Variants in RPF2 observed in about 807,000 individuals in gnomAD.
RPF2 encodes the protein ribosome production factor 2 homolog.
A neutral mutation model predicts 38.9 loss-of-function variants in RPF2; 21 were observed. The ratio of observed to expected loss-of-function variants is 0.54; its 90% CI spans 0.38 to 0.78. The LOEUF is 0.78. Ranked by LOEUF, RPF2 falls within the 30% of genes least tolerant of loss-of-function variation. RPF2 has a pLI of 0.00. For synonymous variants in RPF2, 121 were observed against 126.2 expected (o/e 0.96, Z 0.28); for missense variants, 314 against 358.1 (o/e 0.88, Z 0.99).
rs763445713 is a variant in RPF2, at chr6:111,024,341, A to C, written c.741+14A>C. 1 of 1,582,890 alleles carries C rather than the reference A, an allele frequency of 6.3e-7. No individual in the cohort carries two copies. Among genetic ancestry groups the C allele is most frequent in the Non-Finnish European group, 8.5e-7 (1 of 1,170,444 alleles). The stretch of plus-strand genomic sequence containing the variant: ...AAAGCTCTCAAGGTATATAACTTAG[A>C]GCTTGGTACCACATTTATTTGTATT... On this transcript the variant is annotated intron_variant, in intron 9 of 9. Coordinates refer to ENST00000441448, the MANE Select transcript of RPF2 (RefSeq NM_032194.3).
chr6:110,986,047 A>G (rs931419721), intron 2 of RPF2, among the ~76,000 whole-genome samples: 2 of 152,138 alleles, frequency 1.3e-5, no homozygotes, highest in African/African-American at 4.8e-5. Context: ...AGTGGGAGAG[A>G]AAGAGAAGAT....
At chr6:110,994,732 TATACACAC>T (rs1186267656) in intron 4 of RPF2, among the ~76,000 whole-genome samples, 2 of 101,890 alleles carry the variant, frequency 2.0e-5, no homozygotes, top group Non-Finnish European at 3.9e-5. Flanking sequence ...GATGAGTATA[TATACACAC>T]ACACACACAC....
intron 6 of RPF2, among the ~76,000 whole-genome samples, chr6:111,001,916 G>A (rs1392975813): frequency 6.6e-6 from 1 of 152,188 alleles, no homozygotes; most frequent in Non-Finnish European, 1.5e-5. Context: ...GGCCCTGGCG[G>A]GAGGATTGCT....
At chr6:111,017,453 A>G (rs914343845) in intron 8 of RPF2, among the ~76,000 whole-genome samples, 6 of 149,028 alleles carry the variant, frequency 4.0e-5, no homozygotes, top group Non-Finnish European at 7.4e-5. Context: ...CTCACTTCTC[A>G]GACGGGGCGG....
chr6:110,990,047 T>A (rs539995003), intron 3 of RPF2, among the ~76,000 whole-genome samples: 3 of 152,160 alleles, frequency 2.0e-5, no homozygotes, highest in Admixed American at 6.5e-5. Flanking sequence ...CAAGCAATTC[T>A]CTTGCCTCAA....
rs906026256 is a variant in RPF2, at chr6:111,026,804, T to C, written c.*1222T>C. ...TCAGTCCTTGACAAGGAATCTCCTT[T>C]ATACAAGTGCCAGTAATGTTGTAAA... On this transcript the variant is annotated 3_prime_UTR_variant, in exon 10 of 10. Transcript: ENST00000441448. 15 of 152,254 alleles carry C rather than the reference T, an allele frequency of 9.9e-5. No homozygotes were observed. The highest frequency in any genetic ancestry group is 3.6e-4 in the African/African-American group (15 of 41,466). 9.4% of individuals were successfully genotyped at this position (152,254 alleles called of 1,614,324 possible). A position where few individuals can be genotyped will look rare whatever the true frequency, so the allele number is the denominator to read the frequency against.
chr6:110,999,199 C>G (rs1771770876), intron 5 of RPF2, among the ~76,000 whole-genome samples: 1 of 151,994 alleles, frequency 6.6e-6, no homozygotes, highest in Non-Finnish European at 1.5e-5. Flanking sequence ...TTACTTTATA[C>G]TTGCATTGAG....
chr6:111,025,548 A>G lies in RPF2; in HGVS notation c.887A>G (p.His296Arg). Residue 296 changes from histidine (H) to arginine (R), a missense_variant, in exon 10 of 10, where the codon CAC (histidine) becomes CGC (arginine). Coordinates refer to ENST00000441448, the MANE Select transcript of RPF2 (RefSeq NM_032194.3). Reference sequence around the variant, plus strand: ...CCTGCAGAAAGGATAACAGAAGACCACGAGAAAAAGTCAAAAAGAATTAAA... The same window carrying G: ...CCTGCAGAAAGGATAACAGAAGACCGCGAGAAAAAGTCAAAAAGAATTAAA... ...KRPAERITED[H>R]EKKSKRIKKN The G allele has an allele frequency of 6.2e-7, 1 of 1,608,458 alleles. No individual in the cohort carries two copies.
chr6:111,011,335 T>C (rs1772011386), intron 7 of RPF2, among the ~76,000 whole-genome samples: 1 of 151,298 alleles, frequency 6.6e-6, no homozygotes, highest in African/African-American at 2.4e-5. Context: ...ATAGTCTCAC[T>C]CTGTTGCCCT....
At chr6:111,000,215 C>T (rs1216019458) in intron 6 of RPF2, among the ~76,000 whole-genome samples, 3 of 152,114 alleles carry the variant, frequency 2.0e-5, no homozygotes, top group Admixed American at 6.6e-5. Context: ...AAGCAATTCT[C>T]CTACCTCAAC....
intron 6 of RPF2, 51 bp downstream of exon 6, chr6:110,999,838 G>A (rs1278998122): frequency 4.0e-6 from 4 of 999,190 alleles, no homozygotes; most frequent in Admixed American, 3.4e-5. Flanking sequence ...CTCTTGACCA[G>A]TAGTGACATC....
chr6:110,982,242 T>TG, intron 1 of RPF2, 113 bp downstream of exon 1: 1 of 1,226,198 alleles, frequency 8.2e-7, no homozygotes, highest in Non-Finnish European at 1.2e-6. Flanking sequence ...ATTACCTGGG[T>TG]GGGGGCCGAT....
At chr6:111,017,502 G>A (rs1340975638) in intron 8 of RPF2, among the ~76,000 whole-genome samples, 22 of 148,332 alleles carry the variant, frequency 1.5e-4, no homozygotes, top group African/African-American at 9.9e-5. Context: ...CAGATGGGGC[G>A]GCTGCCGGGC....
chr6:110,982,562 A>C (rs964459082), intron 1 of RPF2: 12 of 183,894 alleles, frequency 6.5e-5, no homozygotes, highest in Admixed American at 3.6e-4. Context: ...CCATAGTCAT[A>C]CTTCATAGAG....
chr6:110,988,440 T>C (rs1583258133), intron 2 of RPF2, among the ~76,000 whole-genome samples: 1 of 151,686 alleles, frequency 6.6e-6, no homozygotes, highest in East Asian at 1.9e-4. Flanking sequence ...ACTACTTTTT[T>C]TTTTTTTTTT....
At chr6:110,994,453 G>A (rs1185443792) in intron 4 of RPF2, among the ~76,000 whole-genome samples, 1 of 151,826 alleles carries the variant, frequency 6.6e-6, no homozygotes, top group Non-Finnish European at 1.5e-5. Flanking sequence ...GGAAATGGTG[G>A]TGGGAGCCCA....
At chr6:111,012,834 T>A (rs1772043477) in intron 7 of RPF2, among the ~76,000 whole-genome samples, 1 of 152,232 alleles carries the variant, frequency 6.6e-6, no homozygotes, top group Middle Eastern at 3.4e-3. Flanking sequence ...CATGCCTGGA[T>A]AATTTTTGTA....
chr6:111,021,225 A>G (rs1453501997), intron 8 of RPF2, among the ~76,000 whole-genome samples: 4 of 152,188 alleles, frequency 2.6e-5, no homozygotes, highest in African/African-American at 9.7e-5. Context: ...TAATACATAG[A>G]TCCACCAAAA....
intron 4 of RPF2, among the ~76,000 whole-genome samples, chr6:110,993,412 T>C (rs1291927196): frequency 6.6e-6 from 1 of 152,218 alleles, no homozygotes; most frequent in African/African-American, 2.4e-5. Context: ...ATTAAGATAG[T>C]ATTGATAAAA....
Sources: gnomAD v4.1 joint callset for allele counts (sites outside exome capture counted in the v4.1 genomes callset) on GRCh38, gnomAD v4.1.1 for gene constraint, MANE v1.5 for transcripts, NCBI Gene and HGNC (gene_info 2026-07-23, HGNC 2026-07-21) for gene names.